Variants in RSF1 observed in about 807,000 individuals in gnomAD.
The protein encoded by RSF1 is HBV pX-associated protein 8.
Under a neutral mutation model 145.2 loss-of-function variants are expected in RSF1, and 13 were observed. The observed-to-expected ratio is 0.09, with a 90% CI of 0.06 to 0.14. The LOEUF (loss-of-function observed/expected upper bound fraction) is 0.14, where lower values mean the gene tolerates loss of function less well. Among genes scored for constraint, RSF1 ranks in the 10% least tolerant of loss-of-function variants. The pLI is 1.00. For synonymous variants in RSF1, 577 were observed against 592.6 expected, an observed-to-expected ratio of 0.97 and a Z score of 0.38; for missense variants, 1,517 against 1,718.2, an observed-to-expected ratio of 0.88 and a Z score of 2.07.
chr11:77,787,636 A>G (rs1302091786), intron 1 of RSF1, among the ~76,000 whole-genome samples: 2 of 152,176 alleles, frequency 1.3e-5, no homozygotes, highest in Admixed American at 1.3e-4. Context: ...CTAAACGCAT[A>G]TCCAGTCCCA....
At chr11:77,713,852 T>G (rs540457625) in intron 5 of RSF1, among the ~76,000 whole-genome samples, 3 of 152,314 alleles carry the variant, frequency 2.0e-5, no homozygotes, top group Admixed American at 6.5e-5. Context: ...GGGCATGTCT[T>G]TCTGAGAAGC....
chr11:77,681,300 T>A (rs1344709391), intron 11 of RSF1, among the ~76,000 whole-genome samples: 1 of 152,234 alleles, frequency 6.6e-6, no homozygotes, highest in Non-Finnish European at 1.5e-5. Flanking sequence ...AAATGTATTG[T>A]GTAATGCATT....
intron 5 of RSF1, among the ~76,000 whole-genome samples, chr11:77,711,625 G>C (rs557421921): frequency 2.0e-5 from 3 of 152,030 alleles, no homozygotes; most frequent in Admixed American, 1.3e-4. Flanking sequence ...AGCCCAGATC[G>C]AGCCATTGCA....
the RSF1 span, among the ~76,000 whole-genome samples, chr11:77,860,714 T>C: frequency 6.6e-6 from 1 of 152,178 alleles, no homozygotes; most frequent in Non-Finnish European, 1.5e-5. Flanking sequence ...GACATTGGGT[T>C]TGAAGGATCT....
At chr11:77,698,377 G>A in intron 7 of RSF1, 110 bp downstream of exon 7, 1 of 874,934 alleles carries the variant, frequency 1.1e-6, no homozygotes, top group Admixed American at 2.0e-5. Flanking sequence ...TAGCATACAA[G>A]TTATCATTAA....
At position 77,782,749 on chromosome 11, in the gene RSF1, C is replaced by A. The variant is rs536867503; in HGVS notation, c.188-18060G>T. On this transcript the variant is annotated intron_variant, in intron 1 of 15. Transcript: ENST00000308488. Reference sequence around the variant, plus strand: ...GTGTCTGTAACGTTTTATTGGAACACAAAAAATGTAATTTCTATGGCTAAT... The same window carrying A: ...GTGTCTGTAACGTTTTATTGGAACAAAAAAAATGTAATTTCTATGGCTAAT... Among the ~76,000 whole-genome samples, 28 of 152,220 alleles carry A rather than the reference C, an allele frequency of 1.8e-4. No homozygotes were observed. The East Asian group carries it at 5.4e-3, about 29-fold the overall frequency.
At chr11:77,829,547 G>A in the RSF1 span, 1 of 152,182 alleles carries the variant, frequency 6.6e-6, no homozygotes, top group South Asian at 2.1e-4. Context: ...GAGAAAACTG[G>A]AGATCCACAT....
Position 77,665,690 on chromosome 11 carries a change from C to CTAAT in RSF1, c.*1223_*1226dup, listed in dbSNP as rs1267132547. ...ACTATTAATGAATTTTAATAGAAGT[C>CTAAT]TAATGGCCAAAGGCCAAAACTACAT... is the stretch of plus-strand genomic sequence containing the variant. On this transcript the variant is annotated 3_prime_UTR_variant, in exon 16 of 16. Coordinates refer to ENST00000308488, the MANE Select transcript of RSF1 (RefSeq NM_016578.4). The CTAAT allele has an allele frequency of 2.6e-5, 4 of 152,132 alleles. No individual in the cohort carries two copies. Among genetic ancestry groups the CTAAT allele is most frequent in the Admixed American group, 2.6e-4 (4 of 15,262 alleles). The allele number at this position is 152,132 out of a possible 1,614,324, so 9.4% of individuals were successfully genotyped here. A position where few individuals can be genotyped will look rare whatever the true frequency, so the allele number is the denominator to read the frequency against.
chr11:77,815,275 T>C (rs181194616), intron 1 of RSF1, among the ~76,000 whole-genome samples: 1 of 152,386 alleles, frequency 6.6e-6, no homozygotes. Context: ...TGCTAGAACA[T>C]ATGTAATTAC....
intron 1 of RSF1, among the ~76,000 whole-genome samples, chr11:77,819,062 A>T (rs1350287575): frequency 3.9e-5 from 6 of 152,312 alleles, no homozygotes; most frequent in Non-Finnish European, 4.4e-5. Context: ...CAGATTCTTT[A>T]TAGGTAATAT....
chr11:77,720,382 C>T (rs1590849350), intron 5 of RSF1, among the ~76,000 whole-genome samples: 2 of 152,240 alleles, frequency 1.3e-5, no homozygotes, highest in South Asian at 2.1e-4. Flanking sequence ...TTTTTGGTCC[C>T]TTCTAAATTA....
At chr11:77,842,717 T>C in the RSF1 span, 1 of 1,538,514 alleles carries the variant, frequency 6.5e-7, no homozygotes. Context: ...GAAAAACTAT[T>C]TCTCTTGTGT....
the RSF1 span, among the ~76,000 whole-genome samples, chr11:77,829,386 G>A: frequency 3.3e-5 from 5 of 152,158 alleles, no homozygotes; most frequent in Non-Finnish European, 7.3e-5. Context: ...ATTTTTTATA[G>A]TAGTCAGGCT....
intron 1 of RSF1, among the ~76,000 whole-genome samples, chr11:77,786,502 T>C (rs1371583771): frequency 1.3e-5 from 2 of 152,218 alleles, no homozygotes; most frequent in African/African-American, 2.4e-5. Flanking sequence ...CTATTTCATA[T>C]AGTTCAACAT....
intron 15 of RSF1, among the ~76,000 whole-genome samples, chr11:77,668,754 C>G (rs551066625): frequency 6.6e-6 from 1 of 152,134 alleles, no homozygotes; most frequent in African/African-American, 2.4e-5. Flanking sequence ...AGGTTATATG[C>G]GAATATGACA....
At chr11:77,814,137 T>G (rs1422282622) in intron 1 of RSF1, among the ~76,000 whole-genome samples, 1 of 150,562 alleles carries the variant, frequency 6.6e-6, no homozygotes, top group East Asian at 2.0e-4. Context: ...GAGGCAGAGG[T>G]TGTAGTGAAC....
chr11:77,767,424 T>C (rs149183860), intron 1 of RSF1, among the ~76,000 whole-genome samples: 340 of 152,336 alleles, frequency 2.2e-3, no homozygotes, highest in African/African-American at 7.3e-3. Context: ...GTATTTTTTA[T>C]GGCTCCTAAA....
chr11:77,681,832 T>C (rs1038040610), intron 11 of RSF1, among the ~76,000 whole-genome samples: 3 of 152,210 alleles, frequency 2.0e-5, no homozygotes, highest in Admixed American at 1.3e-4. Flanking sequence ...ACAGACAAGC[T>C]TCAGGTCTTT....
chr11:77,795,736 A>C (rs1298136561), intron 1 of RSF1, among the ~76,000 whole-genome samples: 5 of 152,248 alleles, frequency 3.3e-5, no homozygotes, highest in Non-Finnish European at 7.3e-5. Flanking sequence ...TTAACAACTT[A>C]AACATTATTT....
Sources: allele counts gnomAD v4.1 joint callset (sites outside exome capture counted in the v4.1 genomes callset), GRCh38; gene constraint gnomAD v4.1.1; transcripts MANE v1.5; gene names NCBI Gene and HGNC (gene_info 2026-07-23, HGNC 2026-07-21).